Variants in ADGRD2 observed in about 807,000 individuals in gnomAD.
ADGRD2 encodes G protein-coupled receptor PGR24.
A neutral mutation model predicts 44.4 loss-of-function variants in ADGRD2; 71 were observed. The ratio of observed to expected loss-of-function variants is 1.60; its 90% CI spans 1.32 to 1.95. The LOEUF (loss-of-function observed/expected upper bound fraction) is 1.95. Among genes scored for constraint, ADGRD2 ranks in the 30% most tolerant of loss-of-function variants. ADGRD2 has a pLI of 0.00. For synonymous variants in ADGRD2, 481 were observed against 224.8 expected, an observed-to-expected ratio of 2.14 and a Z score of -10.19; for missense variants, 1,039 against 512.4, an observed-to-expected ratio of 2.03 and a Z score of -9.92.
exon 12 of ADGRD2, chr9:124,467,823 G>A (rs557914509): frequency 8.9e-5 from 64 of 718,472 alleles, no homozygotes; most frequent in African/African-American, 8.2e-4. Flanking sequence ...CCTGGTGGCC[G>A]GGTGAGGAGA....
intron 8 of ADGRD2, among the ~76,000 whole-genome samples, 160 bp from the exon 12 acceptor site, chr9:124,457,953 C>T (rs1831648922): frequency 6.6e-6 from 1 of 152,196 alleles, no homozygotes; most frequent in Non-Finnish European, 1.5e-5. Flanking sequence ...GGAATTTTGG[C>T]TCTTCCACTT....
At chr9:124,451,558 G>A, upstream of ADGRD2, 1 of 296,612 alleles carries the variant, frequency 3.4e-6, no homozygotes. Flanking sequence ...AAGTCCAAGG[G>A]CGAAGCAAGG....
chr9:124,464,827 T>TG (rs1831786294), intron 10 of ADGRD2, among the ~76,000 whole-genome samples: 2 of 150,362 alleles, frequency 1.3e-5, no homozygotes, highest in Admixed American at 6.6e-5. Context: ...TGTGTATGTG[T>TG]TTTCACAAGT....
intron 10 of ADGRD2, among the ~76,000 whole-genome samples, chr9:124,459,471 G>A (rs1013671594): frequency 6.6e-6 from 1 of 151,714 alleles, no homozygotes; most frequent in Non-Finnish European, 1.5e-5. Flanking sequence ...TCCAGCCTGG[G>A]TGACAGAACA....
At chr9:124,471,495 T>G (rs1339508089) in intron 17 of ADGRD2, among the ~76,000 whole-genome samples, 2 of 152,186 alleles carry the variant, frequency 1.3e-5, no homozygotes, top group Non-Finnish European at 2.9e-5. Flanking sequence ...TCACAGTGCC[T>G]GGGTGCTCCC....
At position 124,454,357 on chromosome 9, in the gene ADGRD2, GAC is replaced by G; in HGVS notation, c.1023-121_1023-120del. On this transcript the variant is annotated intron_variant, in intron 4 of 21. Coordinates refer to ENST00000334810, the Ensembl canonical transcript of ADGRD2. This position sits in a 1 kb window ranked among gnomAD's most constrained non-coding sequence, Gnocchi z 4.5. ...CTAGAACACCGTGTGTAAGACTCTG[GAC>G]ACACAGCCATCAAGGTGCTCTTCCT... The G allele has an allele frequency of 4.8e-6, 3 of 622,682 alleles. No homozygotes were observed. Among genetic ancestry groups the G allele is most frequent in the Non-Finnish European group, 5.9e-6 (2 of 339,888 alleles). The allele number at this position is 622,682 out of a possible 1,614,324, so 38.6% of individuals were successfully genotyped here.
In ADGRD2 at chr9:124,453,546, C is replaced by T. The variant is rs1158178474; in HGVS notation, c.795C>T (p.Ser265=). The T allele has an allele frequency of 6.0e-5, 42 of 697,376 alleles. No homozygotes were observed. The East Asian group carries it at 7.9e-4, about 13-fold the overall frequency. The allele number at this position is 697,376 out of a possible 1,614,324, so 43.2% of individuals were successfully genotyped here. ...TCCACCTGTGGGCGCGGGCGCTGAGCCCCGCTCAGCTGCACCGGGCACGGG... is the reference window on the plus strand; with the variant it reads ...TCCACCTGTGGGCGCGGGCGCTGAGTCCCGCTCAGCTGCACCGGGCACGGG... Residue 265 remains serine (S), a synonymous_variant, in exon 3 of 22, where the codon AGC becomes AGT. Coordinates refer to ENST00000334810, the Ensembl canonical transcript of ADGRD2.
intron 17 of ADGRD2, among the ~76,000 whole-genome samples, chr9:124,472,816 C>T (rs1831976893): frequency 6.6e-6 from 1 of 152,106 alleles, no homozygotes; most frequent in Non-Finnish European, 1.5e-5. Context: ...CCCTCTGACA[C>T]CAGTCTTTTT....
rs1831577210 is a variant in ADGRD2 at position 124,454,564 on chromosome 9, A to C, written c.1105A>C (p.Ile369Leu). 1 of 716,392 alleles carries C rather than the reference A, an allele frequency of 1.4e-6. No individual in the cohort carries two copies. Among genetic ancestry groups the C allele is most frequent in the Non-Finnish European group, 2.6e-6 (1 of 383,802 alleles). 44.4% of individuals were successfully genotyped at this position (716,392 alleles called of 1,614,324 possible). A position where few individuals can be genotyped will look rare whatever the true frequency, so the allele number is the denominator to read the frequency against. The change falls in exon 5 of 22, where the codon ATT (isoleucine) becomes CTT (leucine). Residue 369 changes from isoleucine (I) to leucine (L), a missense_variant. Transcript: ENST00000334810. This position sits in a 1 kb window ranked among gnomAD's most constrained non-coding sequence, Gnocchi z 4.5. ...CCGAGTCAATGCCTTGGCCAACGAC[A>C]TTGTGGTGAGCTCCCTCTCAGGGGC...
At chr9:124,473,774 A>G (rs1831994488) in intron 17 of ADGRD2, among the ~76,000 whole-genome samples, 1 of 152,182 alleles carries the variant, frequency 6.6e-6, no homozygotes, top group African/African-American at 2.4e-5. Context: ...GGAACAACTC[A>G]TCGGAGGCAG....
chr9:124,464,955 G>A (rs1485938856), intron 10 of ADGRD2, among the ~76,000 whole-genome samples: 2 of 152,192 alleles, frequency 1.3e-5, no homozygotes, highest in African/African-American at 2.4e-5. Context: ...AGGCCTGTGT[G>A]TTCATCTTAC....
chr9:124,464,825 T>TG (rs1831786231), intron 10 of ADGRD2, among the ~76,000 whole-genome samples: 1 of 152,054 alleles, frequency 6.6e-6, no homozygotes, highest in East Asian at 1.9e-4. Context: ...TGTGTGTATG[T>TG]GTTTTCACAA....
intron 19 of ADGRD2, 165 bp downstream of exon 22, chr9:124,475,780 G>A: frequency 1.8e-6 from 1 of 544,572 alleles, no homozygotes. Context: ...CATAGCCTTG[G>A]CTCCACCCCG....
chr9:124,454,339 AC>A lies in ADGRD2; in HGVS notation c.1023-143del. 1 of 599,288 alleles carries A rather than the reference AC, an allele frequency of 1.7e-6. No homozygotes were observed. 37.1% of individuals were successfully genotyped at this position (599,288 alleles called of 1,614,324 possible). A position where few individuals can be genotyped will look rare whatever the true frequency, so the allele number is the denominator to read the frequency against. ...GTGCCTCAGTTTCCCCATCTAGAAC[AC>A]CGTGTGTAAGACTCTGGACACACAG... is the stretch of plus-strand genomic sequence containing the variant. On this transcript the variant is annotated intron_variant, in intron 4 of 21. Transcript: ENST00000334810. This position sits in a 1 kb window ranked among gnomAD's most constrained non-coding sequence, Gnocchi z 4.5.
At position 124,468,585 on chromosome 9, in the gene ADGRD2, G is replaced by A. The variant is rs7854446; in HGVS notation, c.2302G>A (p.Val768Met). 7.7e-3 allele frequency: 5,498 copies of A among 718,638 alleles called. 237 individuals are homozygous for A. The African/African-American group carries it at 0.086, about 11-fold the overall frequency. 44.5% of individuals were successfully genotyped at this position (718,638 alleles called of 1,614,324 possible). A position where few individuals can be genotyped will look rare whatever the true frequency, so the allele number is the denominator to read the frequency against. Residue 768 changes from valine to methionine, a missense_variant, in exon 14 of 22, where the codon GTG (valine) becomes ATG (methionine). Transcript: ENST00000334810. Reference sequence around the variant, plus strand: ...TCTGGTGGCATTCTCCTGGATGCTGGTGGAGGGGCTGCTGCTGTGGAGGAA... The same window carrying A: ...TCTGGTGGCATTCTCCTGGATGCTGATGGAGGGGCTGCTGCTGTGGAGGAA...
At chr9:124,458,780 C>T in intron 10 of ADGRD2, 59 bp downstream of exon 13, 1 of 700,640 alleles carries the variant, frequency 1.4e-6, no homozygotes. Context: ...GGTTCAGTTC[C>T]CCCAACCCCC....
At chr9:124,475,641 TG>T (rs1365478897) in intron 19 of ADGRD2, 26 bp downstream of exon 22, 4 of 391,268 alleles carry the variant, frequency 1.0e-5, no homozygotes, top group Non-Finnish European at 1.0e-5. Flanking sequence ...GGGGTGTGGG[TG>T]GGGGCGGGAG....
chr9:124,453,426 G>A (rs1270644710), exon 3 of ADGRD2: 4 of 647,920 alleles, frequency 6.2e-6, no homozygotes, highest in Non-Finnish European at 8.3e-6. Context: ...GCCACCCGGT[G>A]CCGTCCGGCG....
chr9:124,452,467 G>A (rs1247540079), intron 1 of ADGRD2, 43 bp from the exon 5 acceptor site: 1 of 717,814 alleles, frequency 1.4e-6, no homozygotes, highest in South Asian at 1.5e-5. Flanking sequence ...AGAGTCAGAT[G>A]CCCACAAAAT....
Sources: gnomAD v4.1 joint callset for allele counts (sites outside exome capture counted in the v4.1 genomes callset) on GRCh38, gnomAD v4.1.1 for gene constraint, Gnocchi (gnomAD v3.1) non-coding constraint, MANE v1.5 for transcripts, NCBI Gene and HGNC (gene_info 2026-07-23, HGNC 2026-07-21) for gene names.